Variants in UHRF1 observed in about 807,000 individuals in gnomAD.
The protein encoded by UHRF1 is E3 ubiquitin-protein ligase UHRF1.
Under a neutral mutation model 96.5 loss-of-function variants are expected in UHRF1, and 9 were observed. The observed-to-expected ratio is 0.09, with a 90% confidence interval of 0.06 to 0.16. The LOEUF is 0.16. UHRF1 is among the 10% of genes least tolerant of loss of function. UHRF1 has a pLI of 1.00. For missense variants in UHRF1, 626 were observed against 1,131.1 expected (o/e 0.55, Z 6.40); for synonymous variants, 455 against 469.9 (o/e 0.97, Z 0.41).
chr19:4,937,057 G>A (rs1337515694), intron 5 of UHRF1, among the ~76,000 whole-genome samples: 1 of 151,420 alleles, frequency 6.6e-6, no homozygotes, highest in Admixed American at 6.6e-5. Flanking sequence ...TGTTGGAGAC[G>A]GAGTCTCGCT....
intron 2 of UHRF1, among the ~76,000 whole-genome samples, chr19:4,914,807 T>C (rs62112535): frequency 0.048 from 7,311 of 152,210 alleles, 245 homozygotes; most frequent in Non-Finnish European, 0.071. Flanking sequence ...TTATTTTAGA[T>C]AGGGCTAATA....
chr19:4,952,374 G>A (rs371229959), intron 13 of UHRF1, among the ~76,000 whole-genome samples: 7 of 143,512 alleles, frequency 4.9e-5, no homozygotes, highest in South Asian at 2.2e-4. Flanking sequence ...GATTACAGGC[G>A]TAAGCCACCG....
chr19:4,947,144 C>T lies in UHRF1; in HGVS notation c.1450C>T (p.Arg484Ter). The T allele has an allele frequency of 6.2e-7, 1 of 1,612,968 alleles. No individual in the cohort carries two copies. The highest frequency in any genetic ancestry group is 8.5e-7 in the Non-Finnish European group (1 of 1,179,656). ...TTTCACATACACGGGTAGTGGTGGTCGAGATCTTTCCGGCAACAAGAGGAC... is the reference window on the plus strand; with the variant it reads ...TTTCACATACACGGGTAGTGGTGGTTGAGATCTTTCCGGCAACAAGAGGAC... The part of the protein sequence containing the change: ...NFFTYTGSGG[R>*]DLSGNKRTAE... The change falls in exon 11 of 17, where the codon CGA (arginine) becomes TGA (stop). Residue 484 changes from arginine to a stop codon, truncating the protein, a stop_gained. Transcript: ENST00000650932. LOFTEE classifies it high-confidence loss of function.
In UHRF1 at chr19:4,930,097, C is replaced by T. The variant is rs2033000852; in HGVS notation, c.409-619C>T. On this transcript the variant is annotated intron_variant, in intron 3 of 16. Transcript: ENST00000650932. This position sits in a 1 kb window ranked among gnomAD's most constrained non-coding sequence, Gnocchi z 4.4. ...TCAAGCAATTCTCGTGCCTCAGCCT[C>T]CTGAGTAGCTGGGATTACAGGCATG... Among the ~76,000 whole-genome samples, 1 of 152,202 alleles carries T rather than the reference C, an allele frequency of 6.6e-6. No homozygotes were observed. The highest frequency in any genetic ancestry group is 1.5e-5 in the Non-Finnish European group (1 of 68,044).
chr19:4,934,056 C>T (rs2033144908), intron 5 of UHRF1, among the ~76,000 whole-genome samples: 2 of 150,940 alleles, frequency 1.3e-5, no homozygotes, highest in Non-Finnish European at 1.5e-5. Flanking sequence ...CAGAGTCTCC[C>T]TCTGTCGCCC....
At chr19:4,949,357 G>T (rs749061996) in intron 11 of UHRF1, among the ~76,000 whole-genome samples, 2 of 152,038 alleles carry the variant, frequency 1.3e-5, no homozygotes, top group African/African-American at 2.4e-5. Flanking sequence ...CTTTATAAAT[G>T]ATCTATTCTT....
intron 2 of UHRF1, among the ~76,000 whole-genome samples, chr19:4,914,444 T>G (rs1189098545): frequency 6.6e-6 from 1 of 152,118 alleles, no homozygotes; most frequent in Non-Finnish European, 1.5e-5. Context: ...GCCCAAGGTC[T>G]GCAGTGAAGT....
chr19:4,927,098 A>G (rs2032896774), intron 2 of UHRF1, among the ~76,000 whole-genome samples: 3 of 151,778 alleles, frequency 2.0e-5, no homozygotes, highest in African/African-American at 7.3e-5. Context: ...AAAAAAAAAC[A>G]GGCCGGGTAC....
At chr19:4,914,374 G>A (rs1254895803) in intron 2 of UHRF1, among the ~76,000 whole-genome samples, 2 of 152,200 alleles carry the variant, frequency 1.3e-5, no homozygotes, top group East Asian at 3.8e-4. Flanking sequence ...TGTCCTTATA[G>A]AATGTTCTAG....
chr19:4,903,136 C>T (rs1041326580), exon 1 of UHRF1: 1 of 334,212 alleles, frequency 3.0e-6, no homozygotes, highest in Non-Finnish European at 5.8e-6. Context: ...AAGCAATTCT[C>T]CTGCCTCAGC....
intron 2 of UHRF1, among the ~76,000 whole-genome samples, chr19:4,915,593 G>C (rs2032465861): frequency 6.6e-6 from 1 of 151,984 alleles, no homozygotes; most frequent in Admixed American, 6.6e-5. Flanking sequence ...CATGTCTGTA[G>C]TTCCACTTAG....
In UHRF1 at chr19:4,932,826, G is replaced by A. The variant is rs963145028; in HGVS notation, c.655G>A (p.Val219Met). 1.2e-6 allele frequency: 2 copies of A among 1,613,736 alleles called. No individual in the cohort carries two copies. Among genetic ancestry groups the A allele is most frequent in the African/African-American group, 1.3e-5 (1 of 74,930 alleles). The change falls in exon 5 of 17, where the codon GTG (valine) becomes ATG (methionine). Residue 219 changes from valine (V) to methionine (M), a missense_variant. Around this residue, in one of 11 missense-constraint regions of UHRF1, gnomAD observed 198 missense variants for 235.1 expected, o/e 0.84. Coordinates refer to ENST00000650932, the MANE Select transcript of UHRF1 (RefSeq NM_001048201.3). ...CATCATCAAGTGGCAGGACCTGGAG[G>A]TGGGCCAGGTGGTCATGCTCAACTA... ...RTIIKWQDLE[V>M]GQVVMLNYNP...
At chr19:4,909,026 C>G (rs1356599272), upstream of UHRF1, among the ~76,000 whole-genome samples, 1 of 152,166 alleles carries the variant, frequency 6.6e-6, no homozygotes, top group Non-Finnish European at 1.5e-5. Context: ...GGAGCCCTGG[C>G]AGGCCCTGAC....
intron 2 of UHRF1, among the ~76,000 whole-genome samples, chr19:4,914,103 G>A (rs911323912): frequency 2.0e-5 from 3 of 152,106 alleles, no homozygotes; most frequent in Non-Finnish European, 4.4e-5. Context: ...TGGGATTAGA[G>A]GTGTGAACCG....
intron 13 of UHRF1, among the ~76,000 whole-genome samples, chr19:4,952,211 G>A (rs1486234887): frequency 1.3e-5 from 2 of 151,374 alleles, no homozygotes; most frequent in Non-Finnish European, 2.9e-5. Flanking sequence ...TCCTGCCTCA[G>A]CCTCCTGAGT....
chr19:4,910,524 C>CAATG (rs929994595), intron 1 of UHRF1: 2 of 203,200 alleles, frequency 9.8e-6, no homozygotes, highest in African/African-American at 4.6e-5. Context: ...ATGAATGAAT[C>CAATG]AATGAATGAA....
intron 13 of UHRF1, among the ~76,000 whole-genome samples, chr19:4,952,889 G>T (rs1038135438): frequency 6.6e-6 from 1 of 152,088 alleles, no homozygotes; most frequent in Non-Finnish European, 1.5e-5. Context: ...TCAGGTGTTC[G>T]TAAGTGAAGT....
In UHRF1 at chr19:4,929,413, C is replaced by G; in HGVS notation, c.345C>G (p.Ala115=). The G allele has an allele frequency of 6.2e-7, 1 of 1,613,702 alleles. No homozygotes were observed. The highest frequency in any genetic ancestry group is 8.5e-7 in the Non-Finnish European group (1 of 1,179,858). Residue 115 remains alanine (A), a synonymous_variant, in exon 3 of 17, where the codon GCC becomes GCG. Transcript: ENST00000650932. ...DKSSTHGEAA[A]ETDSRPADED... ...CCTCCACCCACGGTGAGGCGGCCGC[C>G]GAGACTGACAGCAGGCCAGCCGATG...
chr19:4,903,820 C>T (rs2032000549), intron 1 of UHRF1, among the ~76,000 whole-genome samples: 1 of 152,024 alleles, frequency 6.6e-6, no homozygotes, highest in South Asian at 2.1e-4. Context: ...CACTCATTTT[C>T]ATCTTAAAGA....
Sources: gnomAD v4.1 joint callset for allele counts (sites outside exome capture counted in the v4.1 genomes callset) on GRCh38, gnomAD v4.1.1 for gene constraint, gnomAD v4.1.1 regional missense constraint, Gnocchi (gnomAD v3.1) non-coding constraint, MANE v1.5 for transcripts, NCBI Gene and HGNC (gene_info 2026-07-23, HGNC 2026-07-21) for gene names.